The following PDPK1 variants were observed in gnomAD, a reference collection of about 807,000 sequenced individuals.
PDPK1 encodes 3-phosphoinositide dependent protein kinase 1.
PDPK1 carries 7 observed loss-of-function variants against 39.8 expected under a neutral mutation model. The observed-to-expected ratio is 0.18, with a 90% CI of 0.10 to 0.33. The LOEUF is 0.33. Ranked by LOEUF, PDPK1 falls within the 10% of genes least tolerant of loss-of-function variation. PDPK1 has a pLI of 1.00. For missense variants in PDPK1, 182 were observed against 384.7 expected, an observed-to-expected ratio of 0.47 and a Z score of 4.41; for synonymous variants, 118 against 159.1, an observed-to-expected ratio of 0.74 and a Z score of 1.95.
chr16:2,589,167 TC>T (rs1359823956), intron 11 of PDPK1, among the ~76,000 whole-genome samples: 37 of 152,014 alleles, frequency 2.4e-4, no homozygotes, highest in Non-Finnish European at 3.2e-4. Flanking sequence ...TGTTGGCCAG[TC>T]TGGTTTCGAA....
chr16:2,578,367 G>A (rs1362210581), intron 7 of PDPK1: 1 of 145,594 alleles, frequency 6.9e-6, no homozygotes, highest in African/African-American at 2.7e-5. Context: ...TCAAGGAAGG[G>A]GAAAGTGGAG....
Position 2,541,205 on chromosome 16 carries a change from C to G in PDPK1, c.24+3069C>G, listed in dbSNP as rs141096173. The stretch of plus-strand genomic sequence containing the variant: ...GGGCCTGAAAAGAGGCCTTGGGCAG[C>G]TCTTCTTGACAGGTCTTGGCCCTCT... On this transcript the variant is annotated intron_variant, in intron 1 of 13. Transcript: ENST00000342085. Among the ~76,000 whole-genome samples the G allele has an allele frequency of 4.9e-3, 748 of 152,332 alleles. 14 individuals carry two copies. Among genetic ancestry groups the G allele is most frequent in the African/African-American group, 0.017 (717 of 41,552 alleles).
chr16:2,587,995 G>T (rs1358157750), intron 11 of PDPK1, among the ~76,000 whole-genome samples: 1 of 152,176 alleles, frequency 6.6e-6, no homozygotes, highest in Non-Finnish European at 1.5e-5. Context: ...AGAGGGCCTT[G>T]CAGGAAGGCA....
chr16:2,593,240 C>T lies in PDPK1; in HGVS notation c.1344-2553C>T, dbSNP rs538684100. On this transcript the variant is annotated intron_variant, in intron 11 of 13. Coordinates refer to ENST00000342085, the MANE Select transcript of PDPK1 (RefSeq NM_002613.5). This position sits in a 1 kb window ranked among gnomAD's most constrained non-coding sequence, Gnocchi z 4.2. Reference sequence around the variant, plus strand: ...GAGAGTTTCTTGTGTCACTGAATTCCTCTTCTGGGAATTTTTAGTTTGTGT... The same window carrying T: ...GAGAGTTTCTTGTGTCACTGAATTCTTCTTCTGGGAATTTTTAGTTTGTGT... 1 of 367,202 alleles carries T rather than the reference C, an allele frequency of 2.7e-6. No homozygotes were observed. The allele number at this position is 367,202 out of a possible 1,614,324, so 22.7% of individuals were successfully genotyped here.
intron 11 of PDPK1, 111 bp from the exon 12 acceptor site, chr16:2,595,682 G>A (rs1290785398): frequency 2.4e-6 from 2 of 824,202 alleles, no homozygotes; most frequent in Admixed American, 3.7e-5. Context: ...AGTGAGGCTG[G>A]CTCTGTGAGG....
intron 1 of PDPK1, among the ~76,000 whole-genome samples, chr16:2,542,779 GT>G (rs1006165772): frequency 2.0e-5 from 3 of 152,278 alleles, no homozygotes; most frequent in African/African-American, 7.2e-5. Flanking sequence ...TAAAGATGAG[GT>G]TTGAAGGTAG....
intron 1 of PDPK1, among the ~76,000 whole-genome samples, chr16:2,546,789 T>C (rs2066356668): frequency 6.6e-6 from 1 of 152,112 alleles, no homozygotes; most frequent in Admixed American, 6.5e-5. Flanking sequence ...AAAAGGGACG[T>C]GTGCTCTGTG....
In PDPK1 at chr16:2,593,017, T is replaced by C. The variant is rs2067022934; in HGVS notation, c.1344-2776T>C. On this transcript the variant is annotated intron_variant, in intron 11 of 13. Coordinates refer to ENST00000342085, the MANE Select transcript of PDPK1 (RefSeq NM_002613.5). The surrounding 1 kb of genome is among the most constrained non-coding windows in gnomAD (Gnocchi z 4.2). ...TGGGAGTGCCTCTGGGCTCCTTGCC[T>C]GTGGCCTTTTTTTTTCTCAGGATGG... 1 of 456,688 alleles carries C rather than the reference T, an allele frequency of 2.2e-6. No homozygotes were observed. Among genetic ancestry groups the C allele is most frequent in the East Asian group, 7.0e-5 (1 of 14,386 alleles). The allele number at this position is 456,688 out of a possible 1,614,324, so 28.3% of individuals were successfully genotyped here.
At position 2,585,478 on chromosome 16, in the gene PDPK1, C is replaced by T. The variant is rs564403413; in HGVS notation, c.1126-1198C>T. ...TCCTTCATGGGGAATGGGCACTGGG[C>T]GTCCCCTTCAGCCAGGGAGGTTGGC... On this transcript the variant is annotated intron_variant, in intron 10 of 13. Transcript: ENST00000342085. 1.9e-4 allele frequency among the ~76,000 whole-genome samples: 29 copies of T among 152,306 alleles called. 1 individual carries two copies. The highest frequency in any genetic ancestry group is 6.8e-3 in the Middle Eastern group (2 of 294).
In PDPK1 at chr16:2,599,609, C is replaced by T. The variant is rs2067173876; in HGVS notation, c.*1842C>T. 4.3e-6 allele frequency: 1 copy of T among 232,788 alleles called. No homozygotes were observed. The highest frequency in any genetic ancestry group is 1.8e-4 in the South Asian group (1 of 5,512). The allele number at this position is 232,788 out of a possible 1,614,324, so 14.4% of individuals were successfully genotyped here. A position where few individuals can be genotyped will look rare whatever the true frequency, so the allele number is the denominator to read the frequency against. On this transcript the variant is annotated 3_prime_UTR_variant, in exon 14 of 14. Transcript: ENST00000342085. ...CCAGCACGTTGCCCTGGGCCTGTGG[C>T]CGGAGTCGGAGTCCTCTCTCCTCCT...
chr16:2,540,202 C>A (rs947607591), intron 1 of PDPK1, among the ~76,000 whole-genome samples: 1 of 152,198 alleles, frequency 6.6e-6, no homozygotes, highest in African/African-American at 2.4e-5. Context: ...TGTGAGAAGC[C>A]CCCTTCCCAG....
intron 12 of PDPK1, among the ~76,000 whole-genome samples, chr16:2,596,126 A>G (rs936987927): frequency 6.6e-6 from 1 of 152,242 alleles, no homozygotes; most frequent in African/African-American, 2.4e-5. Context: ...TGAAGAGGCC[A>G]CATGTGATAT....
intron 1 of PDPK1, among the ~76,000 whole-genome samples, chr16:2,542,912 T>G (rs2066269980): frequency 6.7e-6 from 1 of 149,512 alleles, no homozygotes; most frequent in African/African-American, 2.5e-5. Context: ...CTCAGCAGGA[T>G]GCCAGTCAGG....
intron 11 of PDPK1, among the ~76,000 whole-genome samples, chr16:2,589,733 A>G (rs1437982592): frequency 3.3e-5 from 5 of 152,088 alleles, no homozygotes; most frequent in African/African-American, 4.8e-5. Flanking sequence ...GAATTTTTAA[A>G]TTTACATGGA....
intron 6 of PDPK1, among the ~76,000 whole-genome samples, chr16:2,573,768 C>T (rs1425944768): frequency 7.4e-6 from 1 of 135,076 alleles, no homozygotes; most frequent in East Asian, 2.1e-4. Context: ...TGTGAATTTT[C>T]TTCCCTTTTT....
chr16:2,597,846 A>C lies in PDPK1; in HGVS notation c.*79A>C. 1.2e-6 allele frequency: 1 copy of C among 863,810 alleles called. No homozygotes were observed. The highest frequency in any genetic ancestry group is 2.5e-5 in the East Asian group (1 of 39,848). 53.5% of individuals were successfully genotyped at this position (863,810 alleles called of 1,614,324 possible). A position where few individuals can be genotyped will look rare whatever the true frequency, so the allele number is the denominator to read the frequency against. On this transcript the variant is annotated 3_prime_UTR_variant, in exon 14 of 14. Transcript: ENST00000342085. This position sits in a 1 kb window ranked among gnomAD's most constrained non-coding sequence, Gnocchi z 6.3. ...CTTGGCCGCCATCCGGGACGCTTCC[A>C]GACCACCTGCCAGCCATCACAAGGG...
intron 11 of PDPK1, among the ~76,000 whole-genome samples, chr16:2,588,163 G>T (rs1283312237): frequency 6.6e-6 from 1 of 152,208 alleles, no homozygotes; most frequent in Non-Finnish European, 1.5e-5. Context: ...TATGCGGTTC[G>T]CCACACCTGT....
chr16:2,601,584 T>C lies in PDPK1; in HGVS notation c.*3817T>C, dbSNP rs2067216694. 4.3e-6 allele frequency: 1 copy of C among 234,232 alleles called. No individual in the cohort carries two copies. The allele number at this position is 234,232 out of a possible 1,614,324, so 14.5% of individuals were successfully genotyped here. On this transcript the variant is annotated 3_prime_UTR_variant, in exon 14 of 14. Transcript: ENST00000342085. Reference sequence around the variant, plus strand: ...TTAGTGAGTGATTTGTAATTAAGTTTATAGACTCAGAAGGTATATTAGGAC... The same window carrying C: ...TTAGTGAGTGATTTGTAATTAAGTTCATAGACTCAGAAGGTATATTAGGAC...
rs28679688 is a variant in PDPK1 at position 2,599,153 on chromosome 16, T to A, written c.*1386T>A. ...CTACTCCCCAGGTAGAGAGTGCTCC[T>A]GGTGGCCTGGCAGGTCTGGGCCCTT... On this transcript the variant is annotated 3_prime_UTR_variant, in exon 14 of 14. Transcript: ENST00000342085. 4.3e-6 allele frequency: 1 copy of A among 233,340 alleles called. No individual in the cohort carries two copies. The allele number at this position is 233,340 out of a possible 1,614,324, so 14.5% of individuals were successfully genotyped here. A position where few individuals can be genotyped will look rare whatever the true frequency, so the allele number is the denominator to read the frequency against.
Sources: gnomAD v4.1 joint callset for allele counts (sites outside exome capture counted in the v4.1 genomes callset) on GRCh38, gnomAD v4.1.1 for gene constraint, Gnocchi (gnomAD v3.1) non-coding constraint, MANE v1.5 for transcripts, NCBI Gene and HGNC (gene_info 2026-07-23, HGNC 2026-07-21) for gene names.